Variants in TRAF3 observed in about 807,000 individuals in gnomAD.
TRAF3 encodes TNF receptor associated factor 3, also known as TNF receptor-associated factor 3.
Under a neutral mutation model 62.3 loss-of-function variants are expected in TRAF3, and 13 were observed. That is an observed-to-expected ratio of 0.21 (90% CI 0.14 to 0.33). The LOEUF (loss-of-function observed/expected upper bound fraction) is 0.33, where lower values mean the gene tolerates loss of function less well. TRAF3 is among the 10% of genes least tolerant of loss of function. The probability of loss-of-function intolerance (pLI) is 1.00; values close to 1 mark genes in which losing one functional copy is unlikely to be tolerated. For synonymous variants in TRAF3, 269 were observed against 283.4 expected (o/e 0.95, Z 0.51); for missense variants, 440 against 741.8 (o/e 0.59, Z 4.73).
At chr14:102,869,968 T>A (rs569929547) in intron 2 of TRAF3, among the ~76,000 whole-genome samples, 1 of 152,174 alleles carries the variant, frequency 6.6e-6, no homozygotes, top group African/African-American at 2.4e-5. Context: ...GTTTTTTGAA[T>A]AATAATATCA....
intron 2 of TRAF3, among the ~76,000 whole-genome samples, chr14:102,842,466 C>T (rs867474166): frequency 1.5e-4 from 23 of 151,734 alleles, no homozygotes; most frequent in African/African-American, 4.6e-4. Flanking sequence ...CCAGACTGCG[C>T]GAGATCACAG....
intron 1 of TRAF3, among the ~76,000 whole-genome samples, chr14:102,804,512 G>C (rs1251654468): frequency 2.0e-5 from 3 of 152,020 alleles, no homozygotes; most frequent in Non-Finnish European, 4.4e-5. Flanking sequence ...TTTTGAGTCA[G>C]GGTCTCACTC....
chr14:102,838,001 C>T (rs779466357), intron 2 of TRAF3, among the ~76,000 whole-genome samples: 2 of 152,146 alleles, frequency 1.3e-5, no homozygotes, highest in East Asian at 3.8e-4. Context: ...TTGATTCTTA[C>T]GGCACAAGTC....
chr14:102,889,988 A>T (rs1291836460), intron 8 of TRAF3, among the ~76,000 whole-genome samples: 1 of 152,272 alleles, frequency 6.6e-6, no homozygotes, highest in Non-Finnish European at 1.5e-5. Context: ...GCGAATATCA[A>T]ACTGAGCATA....
Position 102,905,912 on chromosome 14 carries a change from C to A in TRAF3, c.*128C>A. 1.2e-6 allele frequency: 1 copy of A among 844,154 alleles called. No individual in the cohort carries two copies. Among genetic ancestry groups the A allele is most frequent in the Non-Finnish European group, 1.8e-6 (1 of 546,974 alleles). The allele number at this position is 844,154 out of a possible 1,614,324, so 52.3% of individuals were successfully genotyped here. On this transcript the variant is annotated 3_prime_UTR_variant, in exon 12 of 12. Coordinates refer to ENST00000392745, the MANE Select transcript of TRAF3 (RefSeq NM_145725.3). The stretch of plus-strand genomic sequence containing the variant: ...GACGGAGGAAGCGGCAGAAGGCGGA[C>A]GCGTGCCGGCGGGAGGAGCCACGCG...
chr14:102,895,457 A>G (rs1889953778), intron 9 of TRAF3, among the ~76,000 whole-genome samples: 1 of 152,236 alleles, frequency 6.6e-6, no homozygotes, highest in African/African-American at 2.4e-5. Flanking sequence ...CAGCATCGGG[A>G]GTCAGCTCTT....
chr14:102,812,183 C>G (rs1241189369), intron 1 of TRAF3, among the ~76,000 whole-genome samples: 1 of 151,960 alleles, frequency 6.6e-6, no homozygotes, highest in Non-Finnish European at 1.5e-5. Context: ...CCTCTAGTAT[C>G]CTGTGTTTAC....
intron 1 of TRAF3, among the ~76,000 whole-genome samples, chr14:102,789,534 TG>T (rs1897684442): frequency 6.6e-6 from 1 of 152,014 alleles, no homozygotes; most frequent in Non-Finnish European, 1.5e-5. Context: ...GGTTTCAGAG[TG>T]GCACCTCTCA....
At chr14:102,847,104 G>T (rs1054459674) in intron 2 of TRAF3, among the ~76,000 whole-genome samples, 8 of 152,102 alleles carry the variant, frequency 5.3e-5, no homozygotes, top group African/African-American at 1.9e-4. Flanking sequence ...CAAAGCACAT[G>T]CATATACAGT....
intron 1 of TRAF3, among the ~76,000 whole-genome samples, chr14:102,815,494 G>T (rs893988743): frequency 2.0e-5 from 3 of 152,092 alleles, no homozygotes; most frequent in Non-Finnish European, 2.9e-5. Flanking sequence ...AGCTTCCCAG[G>T]TAGTTAGGAC....
chr14:102,824,476 G>A (rs1329888516), intron 1 of TRAF3, among the ~76,000 whole-genome samples: 2 of 152,226 alleles, frequency 1.3e-5, no homozygotes, highest in African/African-American at 2.4e-5. Context: ...TGTGGCCCCA[G>A]TGGCACCTAG....
chr14:102,862,299 T>A (rs1243251333), intron 2 of TRAF3, among the ~76,000 whole-genome samples: 1 of 151,538 alleles, frequency 6.6e-6, no homozygotes, highest in African/African-American at 2.4e-5. Context: ...CCAGAGAGAC[T>A]GAGGCAGGAG....
rs1890540716 is a variant in TRAF3, at chr14:102,905,417, C to G, written c.1340C>G (p.Thr447Ser). 2 of 1,614,280 alleles carry G rather than the reference C, an allele frequency of 1.2e-6. No individual in the cohort carries two copies. Among genetic ancestry groups the G allele is most frequent in the Non-Finnish European group, 1.7e-6 (2 of 1,180,054 alleles). ...TLSLYSQPFY[T>S]GYFGYKMCAR... is the part of the protein sequence containing the mutation. ...TCCCTTTACAGCCAGCCTTTCTACACTGGTTACTTTGGCTATAAGATGTGT... is the reference window on the plus strand; with the variant it reads ...TCCCTTTACAGCCAGCCTTTCTACAGTGGTTACTTTGGCTATAAGATGTGT... Residue 447 changes from threonine (T) to serine (S), a missense_variant, in exon 12 of 12, where the codon ACT becomes AGT. Physicochemically the swap from Thr to Ser is moderately conservative, Grantham distance 58. Coordinates refer to ENST00000392745, the MANE Select transcript of TRAF3 (RefSeq NM_145725.3).
intron 1 of TRAF3, among the ~76,000 whole-genome samples, chr14:102,796,085 C>T (rs183912429): frequency 2.0e-4 from 30 of 152,230 alleles, no homozygotes; most frequent in Middle Eastern, 3.4e-3. Context: ...GGTGTGGTGT[C>T]GGGTGCCTGT....
chr14:102,854,808 T>G (rs1047345709), intron 2 of TRAF3, among the ~76,000 whole-genome samples: 2 of 152,118 alleles, frequency 1.3e-5, no homozygotes, highest in South Asian at 4.1e-4. Flanking sequence ...GCTGTTTTTT[T>G]TTTTTTTTTT....
intron 1 of TRAF3, among the ~76,000 whole-genome samples, chr14:102,823,963 T>TC (rs1900138377): frequency 6.6e-6 from 1 of 152,248 alleles, no homozygotes; most frequent in African/African-American, 2.4e-5. Flanking sequence ...CGAATATTAT[T>TC]CCATTGTGTG....
chr14:102,837,487 C>T (rs1321569852), intron 2 of TRAF3, among the ~76,000 whole-genome samples: 1 of 152,018 alleles, frequency 6.6e-6, no homozygotes, highest in Non-Finnish European at 1.5e-5. Context: ...TTATTTTAGC[C>T]TAGCCGAGAT....
intron 1 of TRAF3, among the ~76,000 whole-genome samples, chr14:102,785,760 G>T (rs1430459159): frequency 1.3e-5 from 2 of 152,194 alleles, no homozygotes; most frequent in African/African-American, 4.8e-5. Flanking sequence ...GTCAGTGGTG[G>T]CTGAGCAGAG....
At chr14:102,869,683 G>A (rs562794378) in intron 2 of TRAF3, among the ~76,000 whole-genome samples, 36 of 151,870 alleles carry the variant, frequency 2.4e-4, no homozygotes, top group Non-Finnish European at 4.9e-4. Flanking sequence ...GTGGCCGCCT[G>A]TAGTCTCAGC....
Sources: allele counts gnomAD v4.1 joint callset (sites outside exome capture counted in the v4.1 genomes callset), GRCh38; gene constraint gnomAD v4.1.1; transcripts MANE v1.5; gene names NCBI Gene and HGNC (gene_info 2026-07-23, HGNC 2026-07-21).